LMO4: variants seen among roughly 807,000 people sequenced by gnomAD.
LMO4 encodes LIM domain only 4.
LMO4 carries 3 observed loss-of-function variants against 18.5 expected under a neutral mutation model. The observed-to-expected ratio is 0.16, with a 90% CI of 0.07 to 0.42. The LOEUF is 0.42. Among genes scored for constraint, LMO4 ranks in the 10% least tolerant of loss-of-function variants. LMO4 has a pLI of 0.99. For synonymous variants in LMO4, 100 were observed against 88.1 expected, an observed-to-expected ratio of 1.14 and a Z score of -0.76; for missense variants, 121 against 219.9, an observed-to-expected ratio of 0.55 and a Z score of 2.84.
intron 2 of LMO4, 125 bp from the exon 3 acceptor site, chr1:87,339,411 T>C (rs747998480): frequency 1.6e-6 from 1 of 644,014 alleles, no homozygotes; most frequent in Non-Finnish European, 2.7e-6. Flanking sequence ...AATCTGAGGC[T>C]TGAGCCTAAG....
At chr1:87,335,491 C>T (rs1650280634) in intron 2 of LMO4, among the ~76,000 whole-genome samples, 1 of 151,870 alleles carries the variant, frequency 6.6e-6, no homozygotes, top group Non-Finnish European at 1.5e-5. Context: ...GCCGGGCGAG[C>T]GGGTCGCGCT....
chr1:87,347,140 G>C lies in LMO4; in HGVS notation c.*2344G>C, dbSNP rs1650658089. Reference sequence around the variant, plus strand: ...CGTATTTAATAATGAGCTTCTAAAAGCATTTCTTAAGTTGCAGACCTATAA... The same window carrying C: ...CGTATTTAATAATGAGCTTCTAAAACCATTTCTTAAGTTGCAGACCTATAA... On this transcript the variant is annotated 3_prime_UTR_variant, in exon 5 of 5. Coordinates refer to ENST00000370544, the MANE Select transcript of LMO4 (RefSeq NM_006769.4). The C allele has an allele frequency of 6.6e-6, 1 of 152,186 alleles. No individual in the cohort carries two copies. Among genetic ancestry groups the C allele is most frequent in the Non-Finnish European group, 1.5e-5 (1 of 68,044 alleles). 9.4% of individuals were successfully genotyped at this position (152,186 alleles called of 1,614,324 possible).
At position 87,348,566 on chromosome 1, in the gene LMO4, AGT is replaced by A. The variant is rs1484130889; in HGVS notation, c.*3773_*3774del. On this transcript the variant is annotated 3_prime_UTR_variant, in exon 5 of 5. Coordinates refer to ENST00000370544, the MANE Select transcript of LMO4 (RefSeq NM_006769.4). ...GAGTCTGAGATCTGACTAGCAGCAA[AGT>A]GTAGCACATTCGCCGATGCTGGGTA... is the stretch of plus-strand genomic sequence containing the variant. The A allele has an allele frequency of 2.5e-6, 1 of 397,072 alleles. No individual in the cohort carries two copies. Among genetic ancestry groups the A allele is most frequent in the African/African-American group, 2.1e-5 (1 of 48,764 alleles). The allele number at this position is 397,072 out of a possible 1,614,324, so 24.6% of individuals were successfully genotyped here.
At position 87,344,847 on chromosome 1, in the gene LMO4, C is replaced by T. The variant is rs1272813327; in HGVS notation, c.*51C>T. On this transcript the variant is annotated 3_prime_UTR_variant, in exon 5 of 5. Coordinates refer to ENST00000370544, the MANE Select transcript of LMO4 (RefSeq NM_006769.4). ...GCCTTCATCTCAGATTTGTTCATCA[C>T]AGGTGGATCCCATGTGTCTTCAGTA... 6.3e-7 allele frequency: 1 copy of T among 1,596,638 alleles called. No homozygotes were observed. Among genetic ancestry groups the T allele is most frequent in the Admixed American group, 1.7e-5 (1 of 59,888 alleles).
chr1:87,339,499 A>C (rs748982082), intron 2 of LMO4, 37 bp from the exon 3 acceptor site: 5 of 1,462,434 alleles, frequency 3.4e-6, no homozygotes, highest in Non-Finnish European at 4.8e-6. Flanking sequence ...TTGGTTTAGG[A>C]TTATTCACTG....
intron 1 of LMO4, among the ~76,000 whole-genome samples, chr1:87,331,064 C>CCGCCCG (rs921240760): frequency 7.3e-5 from 1 of 13,630 alleles, no homozygotes; most frequent in African/African-American, 2.2e-4. Flanking sequence ...ACGCCGCCCG[C>CCGCCCG]CCCCCCCCCC....
At chr1:87,329,610 G>GGGGATA (rs1650071207) in intron 1 of LMO4, among the ~76,000 whole-genome samples, 1 of 149,104 alleles carries the variant, frequency 6.7e-6, no homozygotes, top group Admixed American at 6.7e-5. Flanking sequence ...GGGTGGGGGT[G>GGGGATA]GGGATAGTCA....
chr1:87,341,888 G>C (rs1570655201), intron 4 of LMO4, among the ~76,000 whole-genome samples: 1 of 152,208 alleles, frequency 6.6e-6, no homozygotes, highest in East Asian at 1.9e-4. Flanking sequence ...CTAATGAAGT[G>C]AATCTGCAGG....
Position 87,340,067 on chromosome 1 carries a change from C to T in LMO4, c.354C>T (p.Cys118=). The T allele has an allele frequency of 6.2e-7, 1 of 1,613,758 alleles. No individual in the cohort carries two copies. Among genetic ancestry groups the T allele is most frequent in the Non-Finnish European group, 8.5e-7 (1 of 1,179,886 alleles). ...TTCAGTGTTTTACATGCTCTACCTG[C>T]CGGAATCGCCTGGTCCCGGGAGATC... is the stretch of plus-strand genomic sequence containing the variant. ...YHLKCFTCST[C]RNRLVPGDRF... is the part of the protein sequence containing the mutation. The change falls in exon 4 of 5, where the codon TGC becomes TGT. Residue 118 remains cysteine, a synonymous_variant. Transcript: ENST00000370544.
intron 2 of LMO4, among the ~76,000 whole-genome samples, chr1:87,334,132 G>T (rs1650231325): frequency 6.6e-6 from 1 of 152,124 alleles, no homozygotes; most frequent in South Asian, 2.1e-4. Context: ...TGCCCTAATG[G>T]AGCAATGGAG....
In LMO4 at chr1:87,339,608, G is replaced by A. The variant is rs146253698; in HGVS notation, c.309G>A (p.Ala103=). ...SIPASELVMR[A]QGNVYHLKCF... is the part of the protein sequence containing the mutation. ...CTGCGAGTGAACTCGTCATGAGGGCGCAAGGCAATGTGTATCATCTTAAGG... is the reference window on the plus strand; with the variant it reads ...CTGCGAGTGAACTCGTCATGAGGGCACAAGGCAATGTGTATCATCTTAAGG... Residue 103 remains alanine (A), a synonymous_variant, in exon 3 of 5, where the codon GCG becomes GCA. Transcript: ENST00000370544. 32 of 1,612,038 alleles carry A rather than the reference G, an allele frequency of 2.0e-5. No individual in the cohort carries two copies. The highest frequency in any genetic ancestry group is 4.4e-5 in the South Asian group (4 of 91,022).
chr1:87,340,835 T>G (rs1443048889), intron 4 of LMO4, among the ~76,000 whole-genome samples: 11 of 152,208 alleles, frequency 7.2e-5, no homozygotes, highest in Admixed American at 7.2e-4. Flanking sequence ...CATTAGAAAT[T>G]ATGTATCTTG....
At chr1:87,342,869 A>C (rs1650534214) in intron 4 of LMO4, among the ~76,000 whole-genome samples, 4 of 152,142 alleles carry the variant, frequency 2.6e-5, no homozygotes, top group Admixed American at 2.6e-4. Flanking sequence ...AGAGGCTTTA[A>C]AATTATTTTC....
At chr1:87,344,652 C>CT (rs901610359) in intron 4 of LMO4, 136 bp from the exon 5 acceptor site, 4 of 839,166 alleles carry the variant, frequency 4.8e-6, no homozygotes, top group African/African-American at 3.4e-5. Context: ...TAGAAAGCCT[C>CT]TATCAAGTCA....
chr1:87,348,177 G>T lies in LMO4; in HGVS notation c.*3381G>T, dbSNP rs1650687772. 6.5e-6 allele frequency: 1 copy of T among 152,930 alleles called. No homozygotes were observed. The highest frequency in any genetic ancestry group is 6.5e-5 in the Admixed American group (1 of 15,440). 9.5% of individuals were successfully genotyped at this position (152,930 alleles called of 1,614,324 possible). A position where few individuals can be genotyped will look rare whatever the true frequency, so the allele number is the denominator to read the frequency against. ...AACAGTGAACCCAAGAGCTACATAT[G>T]GAGTCTAGTGAAGAGTTCCCATGTA... On this transcript the variant is annotated 3_prime_UTR_variant, in exon 5 of 5. Transcript: ENST00000370544.
At chr1:87,338,855 A>G (rs2100563577) in intron 2 of LMO4, among the ~76,000 whole-genome samples, 1 of 152,346 alleles carries the variant, frequency 6.6e-6, no homozygotes, top group East Asian at 1.9e-4. Flanking sequence ...GCAGAGATGA[A>G]GTAATCTAAA....
At chr1:87,336,455 G>T (rs1265005788) in intron 2 of LMO4, among the ~76,000 whole-genome samples, 1 of 152,186 alleles carries the variant, frequency 6.6e-6, no homozygotes, top group Non-Finnish European at 1.5e-5. Flanking sequence ...GGTCATTGAA[G>T]TTACTGAAAG....
At chr1:87,329,971 C>T (rs929864502) in intron 1 of LMO4, among the ~76,000 whole-genome samples, 1 of 150,606 alleles carries the variant, frequency 6.6e-6, no homozygotes, top group African/African-American at 2.4e-5. Flanking sequence ...TATGTAATTA[C>T]TAGAGTATAA....
At chr1:87,335,261 G>A (rs1650271551) in intron 2 of LMO4, among the ~76,000 whole-genome samples, 1 of 152,194 alleles carries the variant, frequency 6.6e-6, no homozygotes, top group Non-Finnish European at 1.5e-5. Flanking sequence ...CCGAAGACTG[G>A]CGCGGAAAGT....
Sources: allele counts gnomAD v4.1 joint callset (sites outside exome capture counted in the v4.1 genomes callset), GRCh38; gene constraint gnomAD v4.1.1; transcripts MANE v1.5; gene names NCBI Gene and HGNC (gene_info 2026-07-23, HGNC 2026-07-21).